SHANK2: variants seen among roughly 807,000 people sequenced by gnomAD.
The protein encoded by SHANK2 is SH3 and multiple ankyrin repeat domains 2.
A neutral mutation model predicts 133.7 loss-of-function variants in SHANK2; 43 were observed. That is an observed-to-expected ratio of 0.32 (90% CI 0.25 to 0.41). The LOEUF is 0.41. SHANK2 is among the 10% of genes least tolerant of loss of function. The pLI, the probability that SHANK2 is intolerant of heterozygous loss-of-function variation, is 1.00. For synonymous variants in SHANK2, 1,017 were observed against 952.8 expected (o/e 1.07, Z -1.24); for missense variants, 1,994 against 2,235.8 (o/e 0.89, Z 2.18).
chr11:70,585,283 C>A (rs1591612695), intron 17 of SHANK2, among the ~76,000 whole-genome samples: 1 of 152,300 alleles, frequency 6.6e-6, no homozygotes, highest in Middle Eastern at 3.4e-3. Flanking sequence ...CAGGGATGAC[C>A]AGTAGAGCCA....
intron 17 of SHANK2, among the ~76,000 whole-genome samples, chr11:70,540,111 A>C (rs950024007): frequency 1.3e-5 from 2 of 152,068 alleles, no homozygotes; most frequent in African/African-American, 4.8e-5. Context: ...GTCACATCGC[A>C]ATGTCCCAAT....
In SHANK2 at chr11:70,500,531, A is replaced by G; in HGVS notation, c.2308+39T>C. On this transcript the variant is annotated intron_variant, in intron 21 of 25. Transcript: ENST00000601538. The surrounding 1 kb of genome is among the most constrained non-coding windows in gnomAD (Gnocchi z 4.5). The stretch of plus-strand genomic sequence containing the variant: ...GATGTTTCTGTTCCACAGGGGGGTG[A>G]TGGGCAGGGGGCTGAGACAGACACT... 2.5e-6 allele frequency: 4 copies of G among 1,592,712 alleles called. No homozygotes were observed. The highest frequency in any genetic ancestry group is 3.4e-6 in the Non-Finnish European group (4 of 1,169,854).
At chr11:71,066,042 A>AGG (rs1398629809) in intron 9 of SHANK2, among the ~76,000 whole-genome samples, 1 of 2,884 alleles carries the variant, frequency 3.5e-4, no homozygotes, top group Non-Finnish European at 6.5e-4. Flanking sequence ...AAGTTGGGGG[A>AGG]GGGTACAGAA....
intron 11 of SHANK2, among the ~76,000 whole-genome samples, chr11:70,879,079 G>A (rs955819063): frequency 6.6e-6 from 1 of 152,182 alleles, no homozygotes; most frequent in Non-Finnish European, 1.5e-5. Context: ...TGTGCCCGGT[G>A]GTCCTAAGGA....
intron 17 of SHANK2, among the ~76,000 whole-genome samples, chr11:70,549,084 C>A (rs1279933899): frequency 3.3e-5 from 5 of 152,158 alleles, no homozygotes; most frequent in Admixed American, 2.6e-4. Context: ...GCCACAGGGT[C>A]TGTGGGACGC....
intron 10 of SHANK2, among the ~76,000 whole-genome samples, chr11:70,941,923 G>C (rs1950653808): frequency 6.6e-6 from 1 of 151,978 alleles, no homozygotes; most frequent in Admixed American, 6.6e-5. Flanking sequence ...GCTGTGTGTG[G>C]TGACTCATTC....
At chr11:70,900,034 C>T (rs142450940) in intron 10 of SHANK2, among the ~76,000 whole-genome samples, 25 of 152,262 alleles carry the variant, frequency 1.6e-4, no homozygotes, top group East Asian at 7.7e-4. Context: ...TAGAGCAGTG[C>T]GTGGCACATG....
intron 11 of SHANK2, among the ~76,000 whole-genome samples, chr11:70,852,648 G>A (rs1375021114): frequency 2.0e-5 from 3 of 152,234 alleles, no homozygotes; most frequent in African/African-American, 7.2e-5. Context: ...TTCGAGACCA[G>A]CCTGGCCAAC....
chr11:70,893,853 A>G (rs1214527607), intron 11 of SHANK2, among the ~76,000 whole-genome samples: 2 of 152,204 alleles, frequency 1.3e-5, no homozygotes, highest in African/African-American at 2.4e-5. Flanking sequence ...ACATACGGAC[A>G]TGAGAGACTC....
intron 14 of SHANK2, among the ~76,000 whole-genome samples, chr11:70,796,225 A>G: frequency 6.6e-6 from 1 of 152,082 alleles, no homozygotes; most frequent in Non-Finnish European, 1.5e-5. Context: ...GGACGGGAAA[A>G]GCCCACAGGA....
intron 15 of SHANK2, among the ~76,000 whole-genome samples, chr11:70,676,438 G>A (rs782282023): frequency 6.6e-6 from 1 of 152,220 alleles, no homozygotes; most frequent in Non-Finnish European, 1.5e-5. Context: ...ACGTTCCTGA[G>A]TAGGACGTGC....
At chr11:70,841,863 G>C (rs1017422352) in intron 11 of SHANK2, among the ~76,000 whole-genome samples, 2 of 152,150 alleles carry the variant, frequency 1.3e-5, no homozygotes, top group Admixed American at 6.5e-5. Context: ...CTGCTCGTCA[G>C]CTCCCAAATC....
chr11:70,563,902 T>C (rs545959836), intron 17 of SHANK2, among the ~76,000 whole-genome samples: 1 of 152,366 alleles, frequency 6.6e-6, no homozygotes, highest in African/African-American at 2.4e-5. Context: ...GTTTGAATTA[T>C]GTTGAAATAA....
intron 10 of SHANK2, among the ~76,000 whole-genome samples, chr11:70,897,083 G>A (rs1222283014): frequency 6.6e-6 from 1 of 152,242 alleles, no homozygotes; most frequent in Non-Finnish European, 1.5e-5. Flanking sequence ...ACAGCCAGAT[G>A]AGTGGCACCA....
rs782403301 is a variant in SHANK2 at position 70,473,119 on chromosome 11, G to C, written c.5300C>G (p.Ser1767Trp). Residue 1767 changes from serine (S) to tryptophan (W), a missense_variant, in exon 26 of 26, where the codon TCG (serine) becomes TGG (tryptophan). This residue lies in a region of SHANK2 where 797 missense variants were observed against 907.4 expected (regional missense o/e 0.88). Coordinates refer to ENST00000601538, the MANE Select transcript of SHANK2 (RefSeq NM_012309.5). The surrounding 1 kb of genome is among the most constrained non-coding windows in gnomAD (Gnocchi z 5.9). ...ATTTGAGATTGGCTGTTGCAGTATC[G>C]AGGGGGATGGCGACCTACTGCGTCC... ...PAGRSRSPSP[S>W]ILQQPISNKP... The C allele has an allele frequency of 1.2e-6, 2 of 1,614,250 alleles. No homozygotes were observed. Among genetic ancestry groups the C allele is most frequent in the Admixed American group, 1.7e-5 (1 of 60,026 alleles).
At chr11:70,547,314 G>A (rs1434607826) in intron 17 of SHANK2, among the ~76,000 whole-genome samples, 1 of 152,166 alleles carries the variant, frequency 6.6e-6, no homozygotes, top group Admixed American at 6.5e-5. Flanking sequence ...AGGCTGGAGT[G>A]CAGTGGTACA....
chr11:70,723,985 C>A (rs1443551171), intron 14 of SHANK2, among the ~76,000 whole-genome samples: 1 of 151,792 alleles, frequency 6.6e-6, no homozygotes, highest in Non-Finnish European at 1.5e-5. Flanking sequence ...AAAAAAATCC[C>A]GCATCAAACC....
At chr11:70,596,752 A>T in intron 17 of SHANK2, among the ~76,000 whole-genome samples, 1 of 152,164 alleles carries the variant, frequency 6.6e-6, no homozygotes, top group African/African-American at 2.4e-5. Context: ...CTCCGGGGTC[A>T]CGGGCACTTT....
Position 71,094,565 on chromosome 11 carries a change from G to T in SHANK2, c.716C>A (p.Ala239Asp). 6.4e-7 allele frequency: 1 copy of T among 1,551,428 alleles called. No homozygotes were observed. Among genetic ancestry groups the T allele is most frequent in the Non-Finnish European group, 8.7e-7 (1 of 1,146,836 alleles). ...CAGGGCAACTTGGTTCCTCGCTCGG[G>T]CAGCTTTGTGTAGGGCGGTCATCCC... Reference protein sequence around the residue: ...KDGMTALHKAARARNQVALKT... With the variant: ...KDGMTALHKADRARNQVALKT... Residue 239 changes from alanine (A) to aspartate (D), a missense_variant, in exon 7 of 26, where the codon GCC becomes GAC. Physicochemically the swap from Ala to Asp is moderately radical, Grantham distance 126. This residue lies in a region of SHANK2 where 653 missense variants were observed against 563.4 expected (regional missense o/e 1.16). Coordinates refer to ENST00000601538, the MANE Select transcript of SHANK2 (RefSeq NM_012309.5).
Sources: allele counts gnomAD v4.1 joint callset (sites outside exome capture counted in the v4.1 genomes callset), GRCh38; gene constraint gnomAD v4.1.1; regional missense constraint gnomAD v4.1.1; non-coding constraint Gnocchi (gnomAD v3.1); transcripts MANE v1.5; gene names NCBI Gene and HGNC (gene_info 2026-07-23, HGNC 2026-07-21).